KIF21A: variants seen among roughly 807,000 people sequenced by gnomAD.
The protein encoded by KIF21A is kinesin family member 21A.
KIF21A carries 114 observed loss-of-function variants against 202.9 expected under a neutral mutation model. The observed-to-expected ratio is 0.56, with a 90% CI of 0.48 to 0.66. The LOEUF is 0.66. Among genes scored for constraint, KIF21A ranks in the 30% least tolerant of loss-of-function variants. KIF21A has a pLI of 0.00. For missense variants in KIF21A, 1,677 were observed against 1,994.9 expected (o/e 0.84, Z 3.04); for synonymous variants, 667 against 670.8 (o/e 0.99, Z 0.09).
intron 27 of KIF21A, 71 bp from the exon 28 acceptor site, chr12:39,320,084 C>G (rs926472271): frequency 2.3e-6 from 2 of 852,510 alleles, no homozygotes; most frequent in Non-Finnish European, 3.8e-6. Flanking sequence ...GATAGTCAAT[C>G]TAAAATTTGT....
intron 37 of KIF21A, among the ~76,000 whole-genome samples, chr12:39,297,916 G>A (rs2137045458): frequency 6.9e-6 from 1 of 144,922 alleles, no homozygotes; most frequent in South Asian, 2.2e-4. Flanking sequence ...ATTGTATTTT[G>A]GTATTATCAA....
In KIF21A at chr12:39,434,934, G is replaced by GA. The variant is rs532377234; in HGVS notation, c.44+7992dup. On this transcript the variant is annotated intron_variant, in intron 1 of 37. Coordinates refer to ENST00000361418, the MANE Select transcript of KIF21A (RefSeq NM_001173464.2). ...ATCAAATAATGTGGATATCTATTCT[G>GA]AAAAAAATGTAATTCCTTCATCATA... 3.0e-4 allele frequency among the ~76,000 whole-genome samples: 46 copies of GA among 152,156 alleles called. 1 individual carries two copies. The East Asian group carries it at 7.3e-3, about 24-fold the overall frequency.
At chr12:39,351,360 A>G (rs886825657) in intron 11 of KIF21A, among the ~76,000 whole-genome samples, 1 of 152,134 alleles carries the variant, frequency 6.6e-6, no homozygotes, top group African/African-American at 2.4e-5. Context: ...TTTAGCCTTT[A>G]GTTAAACTAA....
At chr12:39,397,622 G>A (rs978098527) in intron 1 of KIF21A, among the ~76,000 whole-genome samples, 3 of 152,210 alleles carry the variant, frequency 2.0e-5, no homozygotes, top group Non-Finnish European at 4.4e-5. Flanking sequence ...GGTACATACT[G>A]TAGGTACTCA....
intron 1 of KIF21A, among the ~76,000 whole-genome samples, chr12:39,400,990 A>T (rs1449425303): frequency 6.6e-6 from 1 of 152,190 alleles, no homozygotes; most frequent in Non-Finnish European, 1.5e-5. Flanking sequence ...CCAAACCAGA[A>T]GATTAATTTA....
chr12:39,315,135 G>T, intron 31 of KIF21A, 94 bp downstream of exon 31: 1 of 1,212,948 alleles, frequency 8.2e-7, no homozygotes, highest in Non-Finnish European at 1.2e-6. Context: ...CTGAAGGAGA[G>T]AAAAAAATAA....
At chr12:39,411,553 G>A (rs1953079771) in intron 1 of KIF21A, among the ~76,000 whole-genome samples, 1 of 152,012 alleles carries the variant, frequency 6.6e-6, no homozygotes. Flanking sequence ...TAAAGACAGG[G>A]TCTTCCTCTG....
intron 1 of KIF21A, among the ~76,000 whole-genome samples, chr12:39,420,074 T>TAAAA (rs72435342): frequency 2.4e-5 from 2 of 83,124 alleles, no homozygotes; most frequent in Non-Finnish European, 2.4e-5. Context: ...AGACAGAAAG[T>TAAAA]AAAAAAAAAA....
rs1948947899 is a variant in KIF21A at position 39,358,275 on chromosome 12, T to C, written c.1118A>G (p.Asn373Ser). 1.2e-6 allele frequency: 2 copies of C among 1,614,004 alleles called. No individual in the cohort carries two copies. The highest frequency in any genetic ancestry group is 2.2e-5 in the East Asian group (1 of 44,878). ...KYANRARNIK[N>S]KVMVNQDRAS... ...TCTGTCCTGATTGACCATCACCTTA[T>C]TCTTGATATTTCTAGCTCGATTGGC... The change falls in exon 8 of 38, where the codon AAT (asparagine) becomes AGT (serine). Residue 373 changes from asparagine to serine, a missense_variant. By Grantham distance (46) the Asn-to-Ser change is conservative. Around this residue, in one of 3 missense-constraint regions of KIF21A, gnomAD observed 966 missense variants for 1,180.9 expected, o/e 0.82. Transcript: ENST00000361418.
intron 3 of KIF21A, among the ~76,000 whole-genome samples, chr12:39,369,420 A>C (rs1467814431): frequency 6.6e-6 from 1 of 152,152 alleles, no homozygotes; most frequent in Non-Finnish European, 1.5e-5. Flanking sequence ...AAATGGTGCC[A>C]TTACACTCCA....
chr12:39,340,377 A>G lies in KIF21A; in HGVS notation c.2111-13T>C. ...GATTCTACCGAGCCTAAATGACCAG[A>G]GGACATTTTTATATGTTTTTTTGTG... On this transcript the variant is annotated splice_polypyrimidine_tract_variant and intron_variant, in intron 15 of 37. Coordinates refer to ENST00000361418, the MANE Select transcript of KIF21A (RefSeq NM_001173464.2). 6.3e-7 allele frequency: 1 copy of G among 1,582,388 alleles called. No homozygotes were observed. Among genetic ancestry groups the G allele is most frequent in the Non-Finnish European group, 8.6e-7 (1 of 1,157,460 alleles).
chr12:39,315,838 T>C (rs1412551326), intron 30 of KIF21A, 94 bp downstream of exon 30: 2 of 855,576 alleles, frequency 2.3e-6, no homozygotes, highest in Non-Finnish European at 4.1e-6. Flanking sequence ...AAGTGATGCA[T>C]GCAACAAAAA....
chr12:39,359,803 C>T (rs1949068335), intron 7 of KIF21A, among the ~76,000 whole-genome samples: 1 of 152,156 alleles, frequency 6.6e-6, no homozygotes, highest in Non-Finnish European at 1.5e-5. Flanking sequence ...CCATTTCTTA[C>T]TTATTTACAA....
rs929696088 is a variant in KIF21A at position 39,389,702 on chromosome 12, G to T, written c.45-19441C>A. Reference sequence around the variant, plus strand: ...CTGAGAGAATGACCACCTTCTTCTAGGAGCAGTACAATATATCCTTATCCA... The same window carrying T: ...CTGAGAGAATGACCACCTTCTTCTATGAGCAGTACAATATATCCTTATCCA... On this transcript the variant is annotated intron_variant, in intron 1 of 37. Coordinates refer to ENST00000361418, the MANE Select transcript of KIF21A (RefSeq NM_001173464.2). 2.0e-5 allele frequency among the ~76,000 whole-genome samples: 3 copies of T among 152,138 alleles called. No individual in the cohort carries two copies. The South Asian group carries it at 6.2e-4, about 32-fold the overall frequency.
In KIF21A at chr12:39,345,151, C is replaced by T. The variant is rs2138505035; in HGVS notation, c.1712+1315G>A. 1.3e-5 allele frequency among the ~76,000 whole-genome samples: 2 copies of T among 152,234 alleles called. 1 individual carries two copies. Among genetic ancestry groups the T allele is most frequent in the South Asian group, 4.1e-4 (2 of 4,826 alleles). On this transcript the variant is annotated intron_variant, in intron 12 of 37. Transcript: ENST00000361418. Reference sequence around the variant, plus strand: ...GTTTGAGAAGTTGTTCTGTAACCACCCAACCACTCTGCTTTTGCTGTCCTT... The same window carrying T: ...GTTTGAGAAGTTGTTCTGTAACCACTCAACCACTCTGCTTTTGCTGTCCTT...
In KIF21A at chr12:39,322,844, A is replaced by G; in HGVS notation, c.3495T>C (p.Tyr1165=). Residue 1165 remains tyrosine (Y), a synonymous_variant, in exon 27 of 38, where the codon TAT becomes TAC. Transcript: ENST00000361418. The part of the protein sequence containing the change: ...RRTTTQMELL[Y]ADSSELASDT... ...CTGAAGCTAGTTCACTGCTATCTGC[A>G]TACAGCAATTCCATCTGAGTGGTGG... is the stretch of plus-strand genomic sequence containing the variant. 1.3e-6 allele frequency: 2 copies of G among 1,596,806 alleles called. No homozygotes were observed. Among genetic ancestry groups the G allele is most frequent in the South Asian group, 1.1e-5 (1 of 87,860 alleles).
chr12:39,327,042 A>G (rs1168780099), intron 24 of KIF21A, among the ~76,000 whole-genome samples: 1 of 152,240 alleles, frequency 6.6e-6, no homozygotes, highest in Non-Finnish European at 1.5e-5. Flanking sequence ...ACAGCCACAG[A>G]AAGTAAACGA....
chr12:39,385,086 C>T (rs1352848640), intron 1 of KIF21A, among the ~76,000 whole-genome samples: 2 of 152,150 alleles, frequency 1.3e-5, no homozygotes, highest in African/African-American at 4.8e-5. Context: ...AAGCAATTCA[C>T]AGGTACTATT....
At chr12:39,305,141 G>GT (rs930378402) in intron 34 of KIF21A, among the ~76,000 whole-genome samples, 1 of 151,788 alleles carries the variant, frequency 6.6e-6, no homozygotes, top group African/African-American at 2.4e-5. Flanking sequence ...CGAGGTGGAC[G>GT]TATCACCTGA....
Sources: gnomAD v4.1 joint callset for allele counts (sites outside exome capture counted in the v4.1 genomes callset) on GRCh38, gnomAD v4.1.1 for gene constraint, gnomAD v4.1.1 regional missense constraint, MANE v1.5 for transcripts, NCBI Gene and HGNC (gene_info 2026-07-23, HGNC 2026-07-21) for gene names.